The following HKDC1 variants were observed in gnomAD, a reference collection of about 807,000 sequenced individuals.
HKDC1 encodes hexokinase HKDC1.
Under a neutral mutation model 96.6 loss-of-function variants are expected in HKDC1, and 66 were observed. The ratio of observed to expected loss-of-function variants is 0.68; its 90% confidence interval spans 0.56 to 0.84. HKDC1 has a LOEUF of 0.84. Ranked by LOEUF, HKDC1 falls within the 40% of genes least tolerant of loss-of-function variation. HKDC1 has a pLI of 0.00. For missense variants in HKDC1, 1,211 were observed against 1,208.1 expected, an observed-to-expected ratio of 1.00 and a Z score of -0.04; for synonymous variants, 466 against 473.1, an observed-to-expected ratio of 0.98 and a Z score of 0.20.
intron 1 of HKDC1, 82 bp from the exon 2 acceptor site, chr10:69,227,125 C>CTGAG (rs1843170450): frequency 1.3e-6 from 2 of 1,483,988 alleles, no homozygotes; most frequent in African/African-American, 2.8e-5. Context: ...ATGCAGCTTG[C>CTGAG]TGAGGGATGT....
In HKDC1 at chr10:69,250,175, A is replaced by G. The variant is rs540086423; in HGVS notation, c.1571-115A>G. 2.0e-5 allele frequency: 24 copies of G among 1,183,492 alleles called. No homozygotes were observed. The African/African-American group carries it at 2.9e-4, about 14-fold the overall frequency. The allele number at this position is 1,183,492 out of a possible 1,614,324, so 73.3% of individuals were successfully genotyped here. On this transcript the variant is annotated intron_variant, in intron 10 of 17. Coordinates refer to ENST00000354624, the MANE Select transcript of HKDC1 (RefSeq NM_025130.4). ...GGTGGCCCCCACGACCCTCTGGTCT[A>G]TGAGGCCCAGGAGTGCAGGCCCTGG...
At chr10:69,237,314 TGTG>T (rs1843377808) in intron 4 of HKDC1, among the ~76,000 whole-genome samples, 1 of 148,398 alleles carries the variant, frequency 6.7e-6, no homozygotes, top group African/African-American at 2.6e-5. Flanking sequence ...TGTGTGTGTG[TGTG>T]TTTTCTGATA....
rs570253643 is a variant in HKDC1, at chr10:69,220,400, C to T, written c.-36C>T. ...GTAGGAGTGAACACTGCACAGGAAT[C>T]TCTGCCCATCTCAGGAGAAACCAAA... On this transcript the variant is annotated 5_prime_UTR_variant, in exon 1 of 18. Coordinates refer to ENST00000354624, the MANE Select transcript of HKDC1 (RefSeq NM_025130.4). 6.5e-7 allele frequency: 1 copy of T among 1,544,498 alleles called. No homozygotes were observed. The highest frequency in any genetic ancestry group is 1.2e-5 in the South Asian group (1 of 82,164).
At chr10:69,238,761 AG>A (rs1843404042) in intron 4 of HKDC1, among the ~76,000 whole-genome samples, 3 of 152,368 alleles carry the variant, frequency 2.0e-5, no homozygotes, top group Admixed American at 1.3e-4. Context: ...ACTGAGGCTC[AG>A]AGAGGTTAAA....
chr10:69,220,528 C>T, intron 1 of HKDC1, 30 bp downstream of exon 1: 14 of 1,487,196 alleles, frequency 9.4e-6, no homozygotes, highest in Non-Finnish European at 1.3e-5. Flanking sequence ...CTGAGAGATG[C>T]CCAGCTCCTT....
At chr10:69,224,466 T>C (rs957189832) in intron 1 of HKDC1, among the ~76,000 whole-genome samples, 1 of 151,966 alleles carries the variant, frequency 6.6e-6, no homozygotes, top group Non-Finnish European at 1.5e-5. Context: ...GTATTTTTAG[T>C]AGAGACATGG....
intron 2 of HKDC1, among the ~76,000 whole-genome samples, chr10:69,231,048 A>G (rs7068302): frequency 0.98 from 149,704 of 152,256 alleles, 73,627 homozygotes; most frequent in East Asian, 1. Flanking sequence ...GGATCACACC[A>G]TGTGGCATCC....
intron 16 of HKDC1, among the ~76,000 whole-genome samples, chr10:69,264,245 T>G (rs901129564): frequency 8.4e-4 from 115 of 137,538 alleles, no homozygotes; most frequent in African/African-American, 2.8e-3. Flanking sequence ...GTGTGTGTCT[T>G]TTTTTAATCT....
At chr10:69,234,797 T>A (rs1390026774) in intron 4 of HKDC1, among the ~76,000 whole-genome samples, 1 of 152,226 alleles carries the variant, frequency 6.6e-6, no homozygotes, top group Non-Finnish European at 1.5e-5. Context: ...CCCGCCAAGG[T>A]CTCTGACAAT....
chr10:69,220,530 C>T (rs776519255), intron 1 of HKDC1, 32 bp downstream of exon 1: 2 of 1,479,626 alleles, frequency 1.4e-6, no homozygotes, highest in South Asian at 2.5e-5. Context: ...GAGAGATGCC[C>T]AGCTCCTTCT....
At chr10:69,246,518 C>T (rs1190271975) in intron 8 of HKDC1, among the ~76,000 whole-genome samples, 1 of 152,224 alleles carries the variant, frequency 6.6e-6, no homozygotes, top group Non-Finnish European at 1.5e-5. Context: ...TTTTTAGGAT[C>T]ACAGATCCTT....
intron 12 of HKDC1, among the ~76,000 whole-genome samples, chr10:69,252,481 T>C (rs962273615): frequency 1.3e-5 from 2 of 151,772 alleles, no homozygotes; most frequent in African/African-American, 2.4e-5. Flanking sequence ...CCGTCTCTAC[T>C]AAAAATACAA....
chr10:69,232,616 CCA>C, intron 2 of HKDC1, 146 bp from the exon 3 acceptor site: 1 of 741,002 alleles, frequency 1.3e-6, no homozygotes, highest in Non-Finnish European at 2.2e-6. Context: ...TGAGAAATGG[CCA>C]GAGTCCTCAG....
intron 2 of HKDC1, among the ~76,000 whole-genome samples, chr10:69,228,838 C>A (rs898766093): frequency 7.3e-5 from 11 of 150,348 alleles, no homozygotes; most frequent in Admixed American, 5.3e-4. Context: ...TGCACTCCAG[C>A]CTGGGTGACA....
At position 69,257,429 on chromosome 10, in the gene HKDC1, A is replaced by G. The variant is rs1251130476; in HGVS notation, c.2032+3A>G. On this transcript the variant is annotated splice_donor_region_variant and intron_variant, in intron 14 of 17. Coordinates refer to ENST00000354624, the MANE Select transcript of HKDC1 (RefSeq NM_025130.4). ...TTGTGAGATTGGCCTGATTGCAGGTAGGTGGTCAGGCATGGCCCATTGGCC... is the reference window on the plus strand; with the variant it reads ...TTGTGAGATTGGCCTGATTGCAGGTGGGTGGTCAGGCATGGCCCATTGGCC... 1.2e-6 allele frequency: 2 copies of G among 1,601,198 alleles called. No individual in the cohort carries two copies. Among genetic ancestry groups the G allele is most frequent in the African/African-American group, 1.3e-5 (1 of 74,640 alleles).
At position 69,232,504 on chromosome 10, in the gene HKDC1, G is replaced by A. The variant is rs540257649; in HGVS notation, c.227-260G>A. 6.0e-5 allele frequency: 30 copies of A among 497,786 alleles called. 1 individual carries two copies. The South Asian group carries it at 6.9e-4, about 11-fold the overall frequency. 30.8% of individuals were successfully genotyped at this position (497,786 alleles called of 1,614,324 possible). ...GTGCTCACATTTGCCCTCTCCAGTT[G>A]ACATGCACATTCCTACAGCATGAGC... On this transcript the variant is annotated intron_variant, in intron 2 of 17. Coordinates refer to ENST00000354624, the MANE Select transcript of HKDC1 (RefSeq NM_025130.4).
intron 9 of HKDC1, 74 bp downstream of exon 9, chr10:69,247,667 T>C: frequency 8.4e-7 from 1 of 1,188,640 alleles, no homozygotes; most frequent in East Asian, 2.5e-5. Context: ...TTCTGGACTA[T>C]CCTGCCTATC....
intron 12 of HKDC1, among the ~76,000 whole-genome samples, chr10:69,251,853 G>A (rs556512080): frequency 2.6e-5 from 4 of 150,954 alleles, no homozygotes; most frequent in East Asian, 2.0e-4. Context: ...TCTGCCTCCC[G>A]GGTTCAAGTG....
At chr10:69,248,376 G>A (rs1418284643) in intron 9 of HKDC1, 48 bp from the exon 10 acceptor site, 1 of 1,522,456 alleles carries the variant, frequency 6.6e-7, no homozygotes, top group Non-Finnish European at 8.8e-7. Context: ...CTGTGCCTGA[G>A]CCTGGCCTTT....
Sources: gnomAD v4.1 joint callset for allele counts (sites outside exome capture counted in the v4.1 genomes callset) on GRCh38, gnomAD v4.1.1 for gene constraint, MANE v1.5 for transcripts, NCBI Gene and HGNC (gene_info 2026-07-23, HGNC 2026-07-21) for gene names.